The following GBF1 variants were observed in gnomAD, a reference collection of about 807,000 sequenced individuals.
GBF1 encodes the protein Golgi-specific brefeldin A-resistance guanine nucleotide exchange factor 1.
In GBF1, 114 loss-of-function variants were observed where a neutral mutation model predicts 210.5. That is an observed-to-expected ratio of 0.54 (90% CI 0.47 to 0.63). The LOEUF (loss-of-function observed/expected upper bound fraction) is 0.63, where lower values mean the gene tolerates loss of function less well. GBF1 is among the 30% of genes least tolerant of loss of function. The pLI is 0.00. For missense variants in GBF1, 1,851 were observed against 2,357.7 expected (o/e 0.79, Z 4.45); for synonymous variants, 850 against 889.2 (o/e 0.96, Z 0.78).
chr10:102,375,255 G>T, intron 29 of GBF1, 104 bp from the exon 30 acceptor site: 1 of 718,190 alleles, frequency 1.4e-6, no homozygotes, highest in Non-Finnish European at 2.5e-6. Flanking sequence ...TAGCCAAACT[G>T]TCTTCACTGG....
chr10:102,272,258 C>T (rs1023086576), intron 3 of GBF1, among the ~76,000 whole-genome samples: 1 of 152,154 alleles, frequency 6.6e-6, no homozygotes, highest in African/African-American at 2.4e-5. Context: ...GCACCCACCA[C>T]CGCACATGGC....
At chr10:102,276,771 C>T (rs1294822407) in intron 3 of GBF1, among the ~76,000 whole-genome samples, 4 of 152,096 alleles carry the variant, frequency 2.6e-5, no homozygotes. Flanking sequence ...CAAAGGGAAG[C>T]AAAAAGTTGG....
intron 17 of GBF1, among the ~76,000 whole-genome samples, chr10:102,364,686 TA>T (rs2059813942): frequency 6.6e-6 from 1 of 151,528 alleles, no homozygotes; most frequent in Non-Finnish European, 1.5e-5. Context: ...CCGTCTCTAC[TA>T]AAAATACAAA....
Position 102,362,460 on chromosome 10 carries a change from C to T in GBF1, c.1687-15C>T. ...TCTCCTAACTACAAGTCCAATTGAT[C>T]TGTTTACTTTCCAGAATGCCTTCCC... is the stretch of plus-strand genomic sequence containing the variant. On this transcript the variant is annotated splice_polypyrimidine_tract_variant and intron_variant, in intron 14 of 39. Transcript: ENST00000369983. The T allele has an allele frequency of 6.4e-7, 1 of 1,568,694 alleles. No homozygotes were observed. The highest frequency in any genetic ancestry group is 8.8e-7 in the Non-Finnish European group (1 of 1,141,780).
intron 3 of GBF1, among the ~76,000 whole-genome samples, chr10:102,272,424 G>A (rs559709241): frequency 9.2e-5 from 14 of 152,252 alleles, no homozygotes; most frequent in Non-Finnish European, 2.1e-4. Flanking sequence ...GATTTTAACA[G>A]TTTTGTTACT....
chr10:102,335,231 T>C (rs574553846), intron 3 of GBF1, among the ~76,000 whole-genome samples: 1 of 152,312 alleles, frequency 6.6e-6, no homozygotes, highest in Non-Finnish European at 1.5e-5. Context: ...CCTTGTGCCC[T>C]TTTTCCCCCA....
intron 12 of GBF1, 35 bp from the exon 13 acceptor site, chr10:102,360,987 A>AC: frequency 8.6e-7 from 1 of 1,157,944 alleles, no homozygotes; most frequent in East Asian, 2.3e-5. Flanking sequence ...AAAAAAAAAA[A>AC]AAAAACTCAT....
rs770493002 is a variant in GBF1 at position 102,359,352 on chromosome 10, A to T, written c.1097A>T (p.Asp366Val). 5 of 1,611,970 alleles carry T rather than the reference A, an allele frequency of 3.1e-6. No individual in the cohort carries two copies. The highest frequency in any genetic ancestry group is 4.2e-6 in the Non-Finnish European group (5 of 1,178,070). Residue 366 changes from aspartate (D) to valine (V), a missense_variant, in exon 11 of 40, where the codon GAC (aspartate) becomes GTC (valine). Physicochemically the swap from Asp to Val is radical, Grantham distance 152. Coordinates refer to ENST00000369983, the MANE Select transcript of GBF1 (RefSeq NM_001377137.1). ...EVLEECTSPA[D>V]HSDSASVHDM... The stretch of plus-strand genomic sequence containing the variant: ...TTAGAGGAGTGCACGTCCCCTGCCG[A>T]CCACTCTGACTCTGCCTCTGTCCAT...
intron 7 of GBF1, 90 bp downstream of exon 7, chr10:102,352,608 C>G: frequency 1.2e-6 from 1 of 844,952 alleles, no homozygotes; most frequent in African/African-American, 1.7e-5. Flanking sequence ...CCTGGCCAAC[C>G]CCACAGCCGC....
chr10:102,346,736 G>A (rs555685289), intron 4 of GBF1, among the ~76,000 whole-genome samples: 1 of 152,262 alleles, frequency 6.6e-6, no homozygotes, highest in Non-Finnish European at 1.5e-5. Flanking sequence ...TTGAACTCCT[G>A]AGCTCAAGAA....
chr10:102,238,612 G>A, the GBF1 span, among the ~76,000 whole-genome samples: 12 of 152,306 alleles, frequency 7.9e-5, no homozygotes, highest in South Asian at 2.5e-3. Flanking sequence ...TCTGCAGCTT[G>A]GGCATAATAA....
intron 4 of GBF1, among the ~76,000 whole-genome samples, chr10:102,346,300 C>G (rs1347396877): frequency 2.6e-5 from 4 of 151,958 alleles, no homozygotes; most frequent in African/African-American, 9.7e-5. Flanking sequence ...TAATTTTACT[C>G]TTGTATGAAA....
chr10:102,367,712 G>C, intron 21 of GBF1, 152 bp downstream of exon 21: 1 of 641,094 alleles, frequency 1.6e-6, no homozygotes, highest in Non-Finnish European at 2.8e-6. Flanking sequence ...TCTGCCAACT[G>C]TTTCTTCCTT....
chr10:102,279,870 G>A (rs1374263380), intron 3 of GBF1, among the ~76,000 whole-genome samples: 3 of 152,206 alleles, frequency 2.0e-5, no homozygotes, highest in Admixed American at 1.3e-4. Context: ...GTAATGACCA[G>A]CACTTTGGGA....
chr10:102,363,846 C>T lies in GBF1; in HGVS notation c.2106+48C>T. 1.8e-6 allele frequency: 2 copies of T among 1,123,250 alleles called. No individual in the cohort carries two copies. Among genetic ancestry groups the T allele is most frequent in the South Asian group, 1.2e-5 (1 of 80,754 alleles). The allele number at this position is 1,123,250 out of a possible 1,614,324, so 69.6% of individuals were successfully genotyped here. A position where few individuals can be genotyped will look rare whatever the true frequency, so the allele number is the denominator to read the frequency against. On this transcript the variant is annotated intron_variant, in intron 17 of 39. Transcript: ENST00000369983. This position sits in a 1 kb window ranked among gnomAD's most constrained non-coding sequence, Gnocchi z 4.2. ...CTCTGTCCACCTCTGTCTGGGTGTC[C>T]AGTGTTGTAGGGTTTCCATCTCAGA...
chr10:102,334,839 A>T (rs960121465), intron 3 of GBF1, among the ~76,000 whole-genome samples: 12 of 150,954 alleles, frequency 7.9e-5, no homozygotes, highest in African/African-American at 2.9e-4. Context: ...ACAGAGCGAG[A>T]CTTCGTCTCA....
the GBF1 span, chr10:102,230,899 T>C: frequency 1.1e-5 from 17 of 1,611,372 alleles, no homozygotes; most frequent in Non-Finnish European, 1.4e-5. Context: ...GTTGACCGAG[T>C]TGAAGGCGAA....
chr10:102,357,503 AT>A (rs1433626758), intron 8 of GBF1, among the ~76,000 whole-genome samples: 5 of 151,880 alleles, frequency 3.3e-5, no homozygotes, highest in African/African-American at 9.7e-5. Flanking sequence ...AAAAAAAAAA[AT>A]ATGTTTATGG....
intron 29 of GBF1, among the ~76,000 whole-genome samples, chr10:102,372,969 G>C (rs1478635384): frequency 1.3e-5 from 2 of 152,114 alleles, no homozygotes; most frequent in Non-Finnish European, 2.9e-5. Flanking sequence ...TTTTAGACTT[G>C]ACATTAAAAG....
Sources: allele counts gnomAD v4.1 joint callset (sites outside exome capture counted in the v4.1 genomes callset), GRCh38; gene constraint gnomAD v4.1.1; non-coding constraint Gnocchi (gnomAD v3.1); transcripts MANE v1.5; gene names NCBI Gene and HGNC (gene_info 2026-07-23, HGNC 2026-07-21).